Variants in NHSL1 observed in about 807,000 individuals in gnomAD.
The protein encoded by NHSL1 is NHS like 1, also known as NHS-like protein 1.
A neutral mutation model predicts 95.0 loss-of-function variants in NHSL1; 48 were observed. That is an observed-to-expected ratio of 0.51 (90% CI 0.40 to 0.64). The LOEUF is 0.64. Ranked by LOEUF, NHSL1 falls within the 30% of genes least tolerant of loss-of-function variation. NHSL1 has a pLI of 0.00. For missense variants in NHSL1, 1,971 were observed against 2,077.7 expected (o/e 0.95, Z 1.00); for synonymous variants, 783 against 833.9 (o/e 0.94, Z 1.05).
At position 138,424,573 on chromosome 6, in the gene NHSL1, C is replaced by A. The variant is rs752746493; in HGVS notation, c.4329G>T (p.Lys1443Asn). ...ACCTCTGGAATCTAGGGTCTGTGTT[C>A]TTGAGCATCTCTGCTGCAGACATGC... is the stretch of plus-strand genomic sequence containing the variant. ...SARMSAAEML[K>N]NTDPRFQRSR... is the part of the protein sequence containing the mutation. The change falls in exon 8 of 8, where the codon AAG becomes AAT. Residue 1443 changes from lysine (K) to asparagine (N), a missense_variant. This residue lies in a region of NHSL1 where 146 missense variants were observed against 206.3 expected (regional missense o/e 0.71). Coordinates refer to ENST00000343505, the MANE Select transcript of NHSL1 (RefSeq NM_001144060.2). The surrounding 1 kb of genome is among the most constrained non-coding windows in gnomAD (Gnocchi z 5.9). 8 of 1,551,542 alleles carry A rather than the reference C, an allele frequency of 5.2e-6. No homozygotes were observed. The highest frequency in any genetic ancestry group is 6.1e-6 in the Non-Finnish European group (7 of 1,146,992).
At chr6:138,619,679 C>T (rs564946439) in intron 1 of NHSL1, among the ~76,000 whole-genome samples, 4 of 152,146 alleles carry the variant, frequency 2.6e-5, no homozygotes, top group South Asian at 4.2e-4. Context: ...CCCACCACTT[C>T]GGGAGGACAA....
chr6:138,524,395 T>C (rs1485693462), intron 1 of NHSL1, among the ~76,000 whole-genome samples: 1 of 152,156 alleles, frequency 6.6e-6, no homozygotes, highest in African/African-American at 2.4e-5. Flanking sequence ...TTGCAGCCAC[T>C]AGCCCCATCC....
intron 1 of NHSL1, among the ~76,000 whole-genome samples, chr6:138,629,901 A>C (rs1034464401): frequency 6.6e-6 from 1 of 152,268 alleles, no homozygotes; most frequent in Non-Finnish European, 1.5e-5. Flanking sequence ...AACACATTAC[A>C]TATTTTTCAG....
chr6:138,455,350 CAA>C (rs1777513091), intron 3 of NHSL1, among the ~76,000 whole-genome samples: 1 of 152,178 alleles, frequency 6.6e-6, no homozygotes, highest in South Asian at 2.1e-4. Context: ...CCAGACAAGT[CAA>C]AGAGGAATAA....
intron 3 of NHSL1, among the ~76,000 whole-genome samples, chr6:138,469,335 T>G (rs1017670597): frequency 1.3e-5 from 2 of 152,090 alleles, no homozygotes; most frequent in Non-Finnish European, 2.9e-5. Flanking sequence ...CAGGAAGCGG[T>G]AGAGAAAACA....
At chr6:138,628,807 A>C (rs1784778970) in intron 1 of NHSL1, among the ~76,000 whole-genome samples, 1 of 152,226 alleles carries the variant, frequency 6.6e-6, no homozygotes, top group African/African-American at 2.4e-5. Flanking sequence ...ACCAAGACTA[A>C]AATTTATTTG....
At chr6:138,585,377 T>C (rs1784119192) in intron 1 of NHSL1, among the ~76,000 whole-genome samples, 1 of 152,190 alleles carries the variant, frequency 6.6e-6, no homozygotes, top group Non-Finnish European at 1.5e-5. Context: ...ACTTGTGTCA[T>C]TTCACCTACT....
chr6:138,441,965 A>C lies in NHSL1; in HGVS notation c.664+18T>G. The C allele has an allele frequency of 6.5e-7, 1 of 1,542,296 alleles. No homozygotes were observed. Among genetic ancestry groups the C allele is most frequent in the Non-Finnish European group, 8.7e-7 (1 of 1,143,050 alleles). ...GCAGCAGTGAAGGGCAACAGAATAC[A>C]GTTCTGATGAGCCATACCTAGCTCC... On this transcript the variant is annotated intron_variant, in intron 5 of 7. Coordinates refer to ENST00000343505, the MANE Select transcript of NHSL1 (RefSeq NM_001144060.2).
Position 138,689,637 on chromosome 6 carries a change from A to G in NHSL1, c.96+2839T>C, listed in dbSNP as rs1785634650. On this transcript the variant is annotated intron_variant, in intron 1 of 3. Transcript: ENST00000491526. ...GAAATATGCTGTCCCCAACTGCTAG[A>G]GGCTTTTGGTAAACTGCTGGATTCT... 4.6e-5 allele frequency among the ~76,000 whole-genome samples: 7 copies of G among 152,320 alleles called. No homozygotes were observed. The South Asian group carries it at 1.2e-3, about 27-fold the overall frequency.
chr6:138,611,768 T>A (rs996253558), intron 1 of NHSL1, among the ~76,000 whole-genome samples: 2 of 148,780 alleles, frequency 1.3e-5, no homozygotes, highest in African/African-American at 5.0e-5. Context: ...AAAATAAAAA[T>A]AAAAAAATAA....
chr6:138,494,978 C>G (rs1780266273), intron 2 of NHSL1, among the ~76,000 whole-genome samples: 1 of 152,170 alleles, frequency 6.6e-6, no homozygotes, highest in Admixed American at 6.5e-5. Flanking sequence ...TGCAGTGGCT[C>G]ATGCCTGTAA....
intron 1 of NHSL1, among the ~76,000 whole-genome samples, chr6:138,539,566 A>G (rs1332614761): frequency 6.6e-6 from 1 of 152,242 alleles, no homozygotes; most frequent in Non-Finnish European, 1.5e-5. Context: ...AGAGGAGGAC[A>G]GCTAAGGTGA....
intron 1 of NHSL1, among the ~76,000 whole-genome samples, chr6:138,505,861 G>A (rs1780934421): frequency 6.6e-6 from 1 of 151,988 alleles, no homozygotes; most frequent in Non-Finnish European, 1.5e-5. Flanking sequence ...ATCTATAAAT[G>A]GTGCTTTTAC....
At chr6:138,615,541 G>T (rs1057032371) in intron 1 of NHSL1, among the ~76,000 whole-genome samples, 1 of 152,222 alleles carries the variant, frequency 6.6e-6, no homozygotes, top group East Asian at 1.9e-4. Flanking sequence ...CACAACCTCG[G>T]CTCACTGCAA....
upstream of NHSL1, among the ~76,000 whole-genome samples, chr6:138,573,358 T>C (rs1234271804): frequency 7.2e-5 from 11 of 152,192 alleles, no homozygotes; most frequent in South Asian, 4.1e-4. Flanking sequence ...CAAGCGTTAT[T>C]TGGGGTAAGG....
chr6:138,441,957 CA>C, intron 5 of NHSL1, 25 bp downstream of exon 5: 1 of 1,536,576 alleles, frequency 6.5e-7, no homozygotes, highest in Non-Finnish European at 8.8e-7. Context: ...TGAAGGGCAA[CA>C]GAATACAGTT....
intron 2 of NHSL1, among the ~76,000 whole-genome samples, chr6:138,495,141 G>A (rs10046311): frequency 0.039 from 5,922 of 152,208 alleles, 136 homozygotes; most frequent in Middle Eastern, 0.068. Context: ...TACTCAGAAG[G>A]CTGAGGCAGG....
At position 138,424,650 on chromosome 6, in the gene NHSL1, T is replaced by A. The variant is rs1274546539; in HGVS notation, c.4252A>T (p.Asn1418Tyr). 1 of 1,551,568 alleles carries A rather than the reference T, an allele frequency of 6.4e-7. No individual in the cohort carries two copies. The highest frequency in any genetic ancestry group is 8.7e-7 in the Non-Finnish European group (1 of 1,146,960). The change falls in exon 8 of 8, where the codon AAC becomes TAC. Residue 1418 changes from asparagine to tyrosine, a missense_variant. By Grantham distance (143) the Asn-to-Tyr change is moderately radical. Coordinates refer to ENST00000343505, the MANE Select transcript of NHSL1 (RefSeq NM_001144060.2). This position sits in a 1 kb window ranked among gnomAD's most constrained non-coding sequence, Gnocchi z 5.9. Reference protein sequence around the residue: ...SIRKSSTSSDNFKALLLKKGS... With the variant: ...SIRKSSTSSDYFKALLLKKGS... ...TTTTTCAGCAGCAGAGCTTTGAAGT[T>A]GTCACTGCTGGTGCTGCTCTTTCGG...
chr6:138,606,913 C>T (rs1046101048), intron 1 of NHSL1, among the ~76,000 whole-genome samples: 6 of 151,938 alleles, frequency 3.9e-5, no homozygotes, highest in African/African-American at 1.5e-4. Flanking sequence ...CCATGTTAGC[C>T]AGGATGGTCT....
Sources: allele counts gnomAD v4.1 joint callset (sites outside exome capture counted in the v4.1 genomes callset), GRCh38; gene constraint gnomAD v4.1.1; regional missense constraint gnomAD v4.1.1; non-coding constraint Gnocchi (gnomAD v3.1); transcripts MANE v1.5; gene names NCBI Gene and HGNC (gene_info 2026-07-23, HGNC 2026-07-21).